Variants in MLXIP observed in about 807,000 individuals in gnomAD.
MLXIP encodes MLX-interacting protein.
Under a neutral mutation model 87.2 loss-of-function variants are expected in MLXIP, and 30 were observed. The ratio of observed to expected loss-of-function variants is 0.34; its 90% CI spans 0.26 to 0.47. The LOEUF (loss-of-function observed/expected upper bound fraction) is 0.47, where lower values mean the gene tolerates loss of function less well. Ranked by LOEUF, MLXIP falls within the 20% of genes least tolerant of loss-of-function variation. The pLI is 1.00. For synonymous variants in MLXIP, 530 were observed against 514.0 expected (o/e 1.03, Z -0.42); for missense variants, 1,002 against 1,240.1 (o/e 0.81, Z 2.88).
At chr12:122,102,816 A>G (rs1006151027) in intron 1 of MLXIP, among the ~76,000 whole-genome samples, 2 of 152,258 alleles carry the variant, frequency 1.3e-5, no homozygotes, top group Admixed American at 6.5e-5. Context: ...CCAAATGGTT[A>G]CATACTATAT....
At chr12:122,131,636 A>G (rs1952981158) in intron 7 of MLXIP, among the ~76,000 whole-genome samples, 1 of 151,156 alleles carries the variant, frequency 6.6e-6, no homozygotes, top group East Asian at 2.0e-4. Flanking sequence ...TTTTTTGTAA[A>G]GACGGGGGTC....
Position 122,141,061 on chromosome 12 carries a change from C to T in MLXIP, c.2616C>T (p.Cys872=). The part of the protein sequence containing the change: ...RTALSWLDQH[C]SLPILRPMVL... ...CGCTCTCCTGGCTGGACCAGCACTGCTCCCTGCCCATCCTCAGGCCGAGTG... is the reference window on the plus strand; with the variant it reads ...CGCTCTCCTGGCTGGACCAGCACTGTTCCCTGCCCATCCTCAGGCCGAGTG... The change falls in exon 16 of 17, where the codon TGC becomes TGT. Residue 872 remains cysteine (C), a synonymous_variant. Coordinates refer to ENST00000319080, the MANE Select transcript of MLXIP (RefSeq NM_014938.6). 1 of 1,612,184 alleles carries T rather than the reference C, an allele frequency of 6.2e-7. No individual in the cohort carries two copies.
At chr12:122,125,468 G>C (rs991241212) in intron 1 of MLXIP, among the ~76,000 whole-genome samples, 3 of 152,116 alleles carry the variant, frequency 2.0e-5, no homozygotes, top group African/African-American at 7.2e-5. Context: ...GTATTTTACT[G>C]TACCCAAATG....
At position 122,142,003 on chromosome 12, in the gene MLXIP, C is replaced by T. The variant is rs946655098; in HGVS notation, c.*191C>T. On this transcript the variant is annotated 3_prime_UTR_variant, in exon 17 of 17. Coordinates refer to ENST00000319080, the MANE Select transcript of MLXIP (RefSeq NM_014938.6). ...TTGGGGCCTGCTGACAGCAATAGCC[C>T]GCCTTTGGGAACCCCTTGCTGTGAA... The T allele has an allele frequency of 6.9e-5, 55 of 798,142 alleles. No homozygotes were observed. The highest frequency in any genetic ancestry group is 4.8e-4 in the Admixed American group (19 of 39,702). The allele number at this position is 798,142 out of a possible 1,614,324, so 49.4% of individuals were successfully genotyped here.
chr12:122,126,867 A>G (rs752188603), intron 1 of MLXIP, among the ~76,000 whole-genome samples: 14 of 152,156 alleles, frequency 9.2e-5, no homozygotes, highest in Non-Finnish European at 1.6e-4. Flanking sequence ...ATAACAATGA[A>G]CAGCCCAAAT....
Position 122,133,846 on chromosome 12 carries a change from C to T in MLXIP, c.1591C>T (p.Pro531Ser). ...CGLALSPVTR[P>S]PQPRLTFVHP... ...GCTGGCACTGTCTCCTGTCACCCGG[C>T]CTCCCCAGCCACGGTTAACTTTTGT... Residue 531 changes from proline to serine, a missense_variant, in exon 9 of 17, where the codon CCT becomes TCT. Pro to Ser is a moderately conservative substitution (Grantham distance 74). Transcript: ENST00000319080. This position sits in a 1 kb window ranked among gnomAD's most constrained non-coding sequence, Gnocchi z 4.9. 1.9e-6 allele frequency: 3 copies of T among 1,612,952 alleles called. No homozygotes were observed. The highest frequency in any genetic ancestry group is 1.7e-4 in the Middle Eastern group (1 of 6,060).
intron 1 of MLXIP, among the ~76,000 whole-genome samples, chr12:122,092,211 C>T (rs1250250032): frequency 6.6e-6 from 1 of 152,114 alleles, no homozygotes; most frequent in African/African-American, 2.4e-5. Flanking sequence ...TGTCCTCCTG[C>T]CTCAGCCTCC....
At chr12:122,094,524 TG>T (rs1952315486) in intron 1 of MLXIP, among the ~76,000 whole-genome samples, 1 of 137,526 alleles carries the variant, frequency 7.3e-6, no homozygotes, top group Admixed American at 7.5e-5. Context: ...TTGGTGTGTG[TG>T]TTGTGTGTGG....
intron 15 of MLXIP, among the ~76,000 whole-genome samples, chr12:122,140,009 A>G (rs559357096): frequency 1.3e-5 from 2 of 152,160 alleles, no homozygotes; most frequent in African/African-American, 4.8e-5. Flanking sequence ...GATGACAGGC[A>G]CCAGCTCTGA....
At chr12:122,138,014 T>C (rs1193760480) in intron 12 of MLXIP, among the ~76,000 whole-genome samples, 180 bp from the exon 13 acceptor site, 1 of 152,186 alleles carries the variant, frequency 6.6e-6, no homozygotes, top group African/African-American at 2.4e-5. Context: ...GGGTTTTCTG[T>C]GGTTCCCAGT....
intron 1 of MLXIP, among the ~76,000 whole-genome samples, chr12:122,090,237 T>C (rs1024184257): frequency 3.9e-5 from 6 of 152,190 alleles, no homozygotes; most frequent in African/African-American, 1.4e-4. Context: ...GACTCACGCC[T>C]GTAATCCCAA....
chr12:122,086,172 C>T (rs1394048239), intron 1 of MLXIP, among the ~76,000 whole-genome samples: 1 of 152,172 alleles, frequency 6.6e-6, no homozygotes, highest in Non-Finnish European at 1.5e-5. Flanking sequence ...GGGAAGAACG[C>T]AGCCCTGCTG....
In MLXIP at chr12:122,141,767, G is replaced by A. The variant is rs371748081; in HGVS notation, c.2715G>A (p.Ala905=). The A allele has an allele frequency of 1.5e-5, 24 of 1,613,676 alleles. No homozygotes were observed. The Middle Eastern group carries it at 5.0e-4, about 33-fold the overall frequency. The change falls in exon 17 of 17, where the codon GCG becomes GCA. Residue 905 remains alanine (A), a synonymous_variant. Transcript: ENST00000319080. ...LTDPAQLPEQ[A]SKAVTRIGKR... is the part of the protein sequence containing the mutation. The stretch of plus-strand genomic sequence containing the variant: ...ACCCGGCACAGCTGCCAGAGCAGGC[G>A]TCCAAGGCTGTCACCAGGATTGGCA...
At chr12:122,106,052 A>G (rs938144129) in intron 1 of MLXIP, among the ~76,000 whole-genome samples, 2 of 152,190 alleles carry the variant, frequency 1.3e-5, no homozygotes, top group African/African-American at 2.4e-5. Context: ...GGCTGGGAAA[A>G]GTAGCAGCAA....
At chr12:122,101,936 A>C (rs1419139472) in intron 1 of MLXIP, among the ~76,000 whole-genome samples, 1 of 152,116 alleles carries the variant, frequency 6.6e-6, no homozygotes, top group Non-Finnish European at 1.5e-5. Flanking sequence ...AACCATTTTG[A>C]GTTAATATTT....
intron 6 of MLXIP, 137 bp from the exon 7 acceptor site, chr12:122,130,701 CTGAGAA>C (rs1335067356): frequency 6.2e-6 from 4 of 645,578 alleles, no homozygotes; most frequent in Non-Finnish European, 1.1e-5. Context: ...GCCACAAACC[CTGAGAA>C]GGTAGAAATC....
Position 122,129,967 on chromosome 12 carries a change from G to A in MLXIP, c.765G>A (p.Lys255=). 6.2e-7 allele frequency: 1 copy of A among 1,613,790 alleles called. No homozygotes were observed. The highest frequency in any genetic ancestry group is 1.1e-5 in the South Asian group (1 of 91,030). The change falls in exon 6 of 17, where the codon AAG becomes AAA. Residue 255 remains lysine, a synonymous_variant. Coordinates refer to ENST00000319080, the MANE Select transcript of MLXIP (RefSeq NM_014938.6). The part of the protein sequence containing the change: ...VQDDDMLYWH[K]HGDGWKTPVP... ...ACGATGACATGCTGTATTGGCACAA[G>A]CACGGGGATGGATGGAAGACCCCCG...
At chr12:122,095,766 A>G (rs1952341675) in intron 1 of MLXIP, among the ~76,000 whole-genome samples, 1 of 151,970 alleles carries the variant, frequency 6.6e-6, no homozygotes, top group African/African-American at 2.4e-5. Context: ...CAACACCCAG[A>G]GATAACTTGT....
In MLXIP at chr12:122,138,948, G is replaced by T. The variant is rs771066681; in HGVS notation, c.2508+10G>T. ...TTGGAAGTTCTGGATTGTATCTTTGGGTTTTCTTTTTGCTCTTCCCGGCCC... is the reference window on the plus strand; with the variant it reads ...TTGGAAGTTCTGGATTGTATCTTTGTGTTTTCTTTTTGCTCTTCCCGGCCC... On this transcript the variant is annotated intron_variant, in intron 15 of 16. Coordinates refer to ENST00000319080, the MANE Select transcript of MLXIP (RefSeq NM_014938.6). The T allele has an allele frequency of 6.2e-7, 1 of 1,613,820 alleles. No homozygotes were observed. The highest frequency in any genetic ancestry group is 1.1e-5 in the South Asian group (1 of 91,068).
Sources: allele counts gnomAD v4.1 joint callset (sites outside exome capture counted in the v4.1 genomes callset), GRCh38; gene constraint gnomAD v4.1.1; non-coding constraint Gnocchi (gnomAD v3.1); transcripts MANE v1.5; gene names NCBI Gene and HGNC (gene_info 2026-07-23, HGNC 2026-07-21).